Variants in CDK6 observed in about 807,000 individuals in gnomAD.
The protein encoded by CDK6 is cyclin dependent kinase 6, also known as cyclin-dependent kinase 6.
Under a neutral mutation model 37.1 loss-of-function variants are expected in CDK6, and 6 were observed. The observed-to-expected ratio is 0.16, with a 90% CI of 0.09 to 0.32. The LOEUF is 0.32. Among genes scored for constraint, CDK6 ranks in the 10% least tolerant of loss-of-function variants. The probability of loss-of-function intolerance (pLI) is 1.00; values close to 1 mark genes in which losing one functional copy is unlikely to be tolerated. For missense variants in CDK6, 224 were observed against 418.9 expected (o/e 0.53, Z 4.06); for synonymous variants, 160 against 161.3 (o/e 0.99, Z 0.06).
chr7:92,682,936 C>T (rs1165193445), intron 4 of CDK6, among the ~76,000 whole-genome samples: 3 of 152,194 alleles, frequency 2.0e-5, no homozygotes, highest in Admixed American at 6.5e-5. Flanking sequence ...CTCTTGAACT[C>T]GTGAAACTTA....
At chr7:92,806,381 GT>G (rs747521001) in intron 2 of CDK6, among the ~76,000 whole-genome samples, 1 of 152,102 alleles carries the variant, frequency 6.6e-6, no homozygotes, top group Non-Finnish European at 1.5e-5. Context: ...GTGATCTTTT[GT>G]TTTGTCAGTG....
chr7:92,834,746 G>A lies in CDK6; in HGVS notation c.-367-1056C>T, dbSNP rs978047550. 6.6e-6 allele frequency among the ~76,000 whole-genome samples: 1 copy of A among 151,952 alleles called. No individual in the cohort carries two copies. The highest frequency in any genetic ancestry group is 2.4e-5 in the African/African-American group (1 of 41,340). ...AGAAGGTCTCTGTCCTCGGGGCCCG[G>A]ACTCGCGAACCTTTTCCCATTCCCA... is the stretch of plus-strand genomic sequence containing the variant. On this transcript the variant is annotated intron_variant, in intron 1 of 7. Coordinates refer to ENST00000424848, the MANE Select transcript of CDK6 (RefSeq NM_001145306.2). The surrounding 1 kb of genome is among the most constrained non-coding windows in gnomAD (Gnocchi z 4.6).
chr7:92,720,304 G>A (rs1798335918), intron 4 of CDK6, among the ~76,000 whole-genome samples: 1 of 152,152 alleles, frequency 6.6e-6, no homozygotes, highest in Admixed American at 6.5e-5. Flanking sequence ...ATACCCTCTT[G>A]GGTACTGAAT....
At chr7:92,692,766 T>TC (rs1797626154) in intron 4 of CDK6, among the ~76,000 whole-genome samples, 1 of 152,116 alleles carries the variant, frequency 6.6e-6, no homozygotes, top group African/African-American at 2.4e-5. Context: ...CCAGCCTGAA[T>TC]TATGGAGTAA....
chr7:92,723,105 G>C (rs988511074), intron 4 of CDK6, among the ~76,000 whole-genome samples: 2 of 152,154 alleles, frequency 1.3e-5, no homozygotes, highest in African/African-American at 4.8e-5. Context: ...GAACTCGGAG[G>C]GCAGAGGTTG....
chr7:92,618,514 G>C (rs1795731009), intron 6 of CDK6, among the ~76,000 whole-genome samples: 1 of 152,174 alleles, frequency 6.6e-6, no homozygotes, highest in South Asian at 2.1e-4. Context: ...CAGGCAGTAA[G>C]CTCTGACTTA....
chr7:92,814,378 C>T (rs572209853), intron 2 of CDK6, among the ~76,000 whole-genome samples: 1 of 152,190 alleles, frequency 6.6e-6, no homozygotes, highest in East Asian at 1.9e-4. Context: ...TTCTCCAGAG[C>T]AGCTGTTCTT....
chr7:92,691,735 A>C (rs1419086011), intron 4 of CDK6, among the ~76,000 whole-genome samples: 1 of 152,228 alleles, frequency 6.6e-6, no homozygotes, highest in East Asian at 1.9e-4. Context: ...CTCTTCAAAG[A>C]AAAGACTGAA....
At chr7:92,667,165 A>G (rs1405219428) in intron 5 of CDK6, among the ~76,000 whole-genome samples, 1 of 152,180 alleles carries the variant, frequency 6.6e-6, no homozygotes, top group African/African-American at 2.4e-5. Flanking sequence ...GAATGAGGAT[A>G]TAAAGAAAAG....
At chr7:92,693,378 G>A (rs1797639030) in intron 4 of CDK6, among the ~76,000 whole-genome samples, 1 of 152,184 alleles carries the variant, frequency 6.6e-6, no homozygotes, top group African/African-American at 2.4e-5. Flanking sequence ...TATGCCACAA[G>A]TTCTTTCAAA....
At chr7:92,638,972 T>C (rs1163839007) in intron 5 of CDK6, among the ~76,000 whole-genome samples, 2 of 152,172 alleles carry the variant, frequency 1.3e-5, no homozygotes, top group East Asian at 3.9e-4. Flanking sequence ...GTTGGCAAAA[T>C]AGCAATTTTC....
intron 4 of CDK6, among the ~76,000 whole-genome samples, chr7:92,698,492 T>G (rs1051972931): frequency 6.6e-6 from 1 of 152,130 alleles, no homozygotes; most frequent in Non-Finnish European, 1.5e-5. Context: ...GATGCCATTT[T>G]CCCCCTTATC....
chr7:92,714,073 A>G (rs1233617441), intron 4 of CDK6, among the ~76,000 whole-genome samples: 1 of 152,192 alleles, frequency 6.6e-6, no homozygotes, highest in African/African-American at 2.4e-5. Flanking sequence ...GCTATTTTGC[A>G]ATGTTAATCT....
At chr7:92,646,586 T>G (rs888895586) in intron 5 of CDK6, among the ~76,000 whole-genome samples, 3 of 151,880 alleles carry the variant, frequency 2.0e-5, no homozygotes, top group African/African-American at 7.3e-5. Flanking sequence ...TTAGTAGAGA[T>G]AGCGTTTCAC....
intron 3 of CDK6, among the ~76,000 whole-genome samples, chr7:92,733,824 C>T (rs1360145992): frequency 6.6e-6 from 1 of 151,888 alleles, no homozygotes; most frequent in Non-Finnish European, 1.5e-5. Context: ...TTTCTCTTTC[C>T]ACTCTTTATA....
chr7:92,651,491 C>A (rs577674555), intron 5 of CDK6, among the ~76,000 whole-genome samples: 1 of 152,238 alleles, frequency 6.6e-6, no homozygotes, highest in East Asian at 1.9e-4. Flanking sequence ...ACATTAAATT[C>A]TAAATTTTAC....
At chr7:92,711,616 A>G (rs1798096912) in intron 4 of CDK6, among the ~76,000 whole-genome samples, 1 of 118,584 alleles carries the variant, frequency 8.4e-6, no homozygotes, top group Non-Finnish European at 1.6e-5. Context: ...CCCAGGCTGG[A>G]GTGCAGTGGC....
At chr7:92,638,781 C>A (rs560871611) in intron 5 of CDK6, among the ~76,000 whole-genome samples, 128 of 152,232 alleles carry the variant, frequency 8.4e-4, no homozygotes, top group Middle Eastern at 3.4e-3. Flanking sequence ...TTTGACCCCC[C>A]CAGAGTTAAA....
chr7:92,782,678 G>A (rs931925622), intron 2 of CDK6, among the ~76,000 whole-genome samples: 17 of 152,096 alleles, frequency 1.1e-4, no homozygotes, highest in African/African-American at 3.4e-4. Context: ...AAGAGATTCC[G>A]GAAGACATTA....
Sources: gnomAD v4.1 joint callset for allele counts (sites outside exome capture counted in the v4.1 genomes callset) on GRCh38, gnomAD v4.1.1 for gene constraint, Gnocchi (gnomAD v3.1) non-coding constraint, MANE v1.5 for transcripts, NCBI Gene and HGNC (gene_info 2026-07-23, HGNC 2026-07-21) for gene names.